The following ULK4 variants were observed in gnomAD, a reference collection of about 807,000 sequenced individuals.
ULK4 encodes the protein inactive serine/threonine-protein kinase ULK4.
In ULK4, 133 loss-of-function variants were observed where a neutral mutation model predicts 160.6. The ratio of observed to expected loss-of-function variants is 0.83; its 90% CI spans 0.72 to 0.96. The LOEUF is 0.96. ULK4 is among the 40% of genes least tolerant of loss of function. The pLI is 0.00. For missense variants in ULK4, 1,580 were observed against 1,499.5 expected (o/e 1.05, Z -0.89); for synonymous variants, 534 against 539.8 (o/e 0.99, Z 0.15).
At chr3:41,616,501 A>G (rs892046420) in intron 30 of ULK4, among the ~76,000 whole-genome samples, 3 of 152,286 alleles carry the variant, frequency 2.0e-5, no homozygotes, top group South Asian at 2.1e-4. Flanking sequence ...GGATAGCAGA[A>G]GCAGGGTGGG....
At position 41,831,719 on chromosome 3, in the gene ULK4, G is replaced by A. The variant is rs2041596645; in HGVS notation, c.1764+4145C>T. Among the ~76,000 whole-genome samples, 7 of 151,766 alleles carry A rather than the reference G, an allele frequency of 4.6e-5. 1 individual carries two copies. In the South Asian group the frequency reaches 1.5e-3, roughly 32 times the overall value. On this transcript the variant is annotated intron_variant, in intron 18 of 36. Coordinates refer to ENST00000301831, the MANE Select transcript of ULK4 (RefSeq NM_017886.4). ...CCCCTTGCTCCCCATCCCCTGACAG[G>A]CCCCCATGTGTGTTGTTCCCCTCCC...
intron 21 of ULK4, among the ~76,000 whole-genome samples, chr3:41,773,063 A>G (rs929456032): frequency 6.6e-6 from 1 of 152,234 alleles, no homozygotes; most frequent in East Asian, 1.9e-4. Context: ...TACTGATGGG[A>G]CATATCTCGA....
intron 31 of ULK4, among the ~76,000 whole-genome samples, chr3:41,571,332 G>C (rs2087965584): frequency 1.3e-5 from 2 of 152,186 alleles, no homozygotes; most frequent in Non-Finnish European, 2.9e-5. Context: ...TCCCCAAAAA[G>C]AATGCTAAAT....
At chr3:41,735,899 T>A (rs544050164) in intron 22 of ULK4, among the ~76,000 whole-genome samples, 11 of 130,094 alleles carry the variant, frequency 8.5e-5, no homozygotes, top group East Asian at 2.4e-4. Context: ...TGTCCATGTG[T>A]TCTCATTGTT....
chr3:41,498,047 AT>A lies in ULK4; in HGVS notation c.3227-34795del, dbSNP rs531905319. On this transcript the variant is annotated intron_variant, in intron 32 of 36. Coordinates refer to ENST00000301831, the MANE Select transcript of ULK4 (RefSeq NM_017886.4). ...GAAAATCTGAATAGCGTTATCAAAT[AT>A]CTTGATGTCAATGATTTTTATAGAC... 5.3e-4 allele frequency among the ~76,000 whole-genome samples: 81 copies of A among 152,352 alleles called. No individual in the cohort carries two copies. The South Asian group carries it at 6.2e-3, about 12-fold the overall frequency.
intron 22 of ULK4, among the ~76,000 whole-genome samples, chr3:41,731,199 GA>G (rs200006240): frequency 1.4e-5 from 2 of 144,892 alleles, no homozygotes; most frequent in African/African-American, 5.0e-5. Context: ...ATCCAAACTG[GA>G]AAAAAAAATA....
At chr3:41,530,841 G>A (rs1451549013) in intron 32 of ULK4, among the ~76,000 whole-genome samples, 1 of 151,980 alleles carries the variant, frequency 6.6e-6, no homozygotes, top group Non-Finnish European at 1.5e-5. Flanking sequence ...TCGGCTCACT[G>A]CAACCTCCAC....
chr3:41,718,850 G>A (rs2037361187), intron 22 of ULK4, among the ~76,000 whole-genome samples: 1 of 152,180 alleles, frequency 6.6e-6, no homozygotes, highest in African/African-American at 2.4e-5. Context: ...ACTTATGCAT[G>A]CATTTGCGTT....
At chr3:41,677,574 G>A (rs759621061) in intron 29 of ULK4, among the ~76,000 whole-genome samples, 19 of 149,402 alleles carry the variant, frequency 1.3e-4, no homozygotes, top group South Asian at 4.3e-4. Context: ...CTTATGATCC[G>A]CATGCCTCGG....
Position 41,473,559 on chromosome 3 carries a change from G to C in ULK4, c.3227-10306C>G, listed in dbSNP as rs538786340. 7.5e-4 allele frequency among the ~76,000 whole-genome samples: 113 copies of C among 151,090 alleles called. 1 individual carries two copies. Among genetic ancestry groups the C allele is most frequent in the Non-Finnish European group, 1.4e-3 (96 of 67,868 alleles). On this transcript the variant is annotated intron_variant, in intron 32 of 36. Transcript: ENST00000301831. ...TGCCTGTAATCCCAGCTACACAGGAGGCTGAGGTGGGAGCATCGCTTGAAC... is the reference window on the plus strand; with the variant it reads ...TGCCTGTAATCCCAGCTACACAGGACGCTGAGGTGGGAGCATCGCTTGAAC...
chr3:41,883,387 A>C (rs1697591954), intron 17 of ULK4, among the ~76,000 whole-genome samples: 1 of 152,314 alleles, frequency 6.6e-6, no homozygotes. Flanking sequence ...CTTTTCACCT[A>C]TGCTGACTCT....
chr3:41,602,290 G>GGAAAGGAAAGGAAAGGAAAA (rs1349618594), intron 31 of ULK4, among the ~76,000 whole-genome samples: 2 of 122,690 alleles, frequency 1.6e-5, no homozygotes, highest in African/African-American at 6.8e-5. Flanking sequence ...GGAAAGGAAA[G>GGAAAGGAAAGGAAAGGAAAA]GAAAGGAAAG....
chr3:41,259,208 GT>G (rs1266440067), intron 35 of ULK4, among the ~76,000 whole-genome samples: 3 of 151,962 alleles, frequency 2.0e-5, no homozygotes, highest in Non-Finnish European at 4.4e-5. Context: ...ATGGCACTGT[GT>G]CAATCCAGCA....
chr3:41,751,303 A>G (rs1407501755), intron 22 of ULK4, among the ~76,000 whole-genome samples: 1 of 152,154 alleles, frequency 6.6e-6, no homozygotes, highest in Non-Finnish European at 1.5e-5. Flanking sequence ...TGGGAATAAG[A>G]CTGCAAGCCC....
intron 34 of ULK4, among the ~76,000 whole-genome samples, chr3:41,404,354 G>A (rs1311008749): frequency 2.0e-5 from 3 of 151,514 alleles, no homozygotes; most frequent in East Asian, 1.9e-4. Flanking sequence ...TCTGCCTCTG[G>A]TAATTTTCCC....
chr3:41,491,212 T>G (rs2084748890), intron 32 of ULK4, among the ~76,000 whole-genome samples: 1 of 152,174 alleles, frequency 6.6e-6, no homozygotes, highest in South Asian at 2.1e-4. Flanking sequence ...CTAAAACATG[T>G]CAATTCTTCC....
At chr3:41,958,423 C>G (rs1181213361) in intron 1 of ULK4, among the ~76,000 whole-genome samples, 1 of 151,906 alleles carries the variant, frequency 6.6e-6, no homozygotes, top group African/African-American at 2.4e-5. Flanking sequence ...AATATATTGG[C>G]AGATGCGGTG....
At chr3:41,927,143 T>G (rs1383623890) in intron 5 of ULK4, among the ~76,000 whole-genome samples, 1 of 152,252 alleles carries the variant, frequency 6.6e-6, no homozygotes, top group Admixed American at 6.5e-5. Context: ...AGACTAACAG[T>G]GGATCTCTGC....
At chr3:41,302,224 T>A (rs892524472) in intron 35 of ULK4, among the ~76,000 whole-genome samples, 1 of 152,366 alleles carries the variant, frequency 6.6e-6, no homozygotes, top group African/African-American at 2.4e-5. Flanking sequence ...AAGTCATTTT[T>A]AAAAATTACA....
Sources: allele counts gnomAD v4.1 joint callset (sites outside exome capture counted in the v4.1 genomes callset), GRCh38; gene constraint gnomAD v4.1.1; transcripts MANE v1.5; gene names NCBI Gene and HGNC (gene_info 2026-07-23, HGNC 2026-07-21).